The following MCM5 variants were observed in gnomAD, a reference collection of about 807,000 sequenced individuals.
MCM5 encodes DNA replication licensing factor MCM5.
Under a neutral mutation model 79.9 loss-of-function variants are expected in MCM5, and 46 were observed. The observed-to-expected ratio is 0.58, with a 90% CI of 0.45 to 0.74. The LOEUF (loss-of-function observed/expected upper bound fraction) is 0.74. Ranked by LOEUF, MCM5 falls within the 30% of genes least tolerant of loss-of-function variation. The probability of loss-of-function intolerance (pLI) is 0.00; values close to 1 mark genes in which losing one functional copy is unlikely to be tolerated. For synonymous variants in MCM5, 404 were observed against 390.5 expected (o/e 1.03, Z -0.41); for missense variants, 883 against 1,017.0 (o/e 0.87, Z 1.79).
chr22:35,454,314 C>T, the MCM5 span, among the ~76,000 whole-genome samples: 8,335 of 152,134 alleles, frequency 0.055, 606 homozygotes, highest in African/African-American at 0.16. Flanking sequence ...ACCACAGGGG[C>T]GTCCTGGGGA....
At chr22:35,411,641 C>T (rs562403664) in intron 7 of MCM5, 1 of 152,424 alleles carries the variant, frequency 6.6e-6, no homozygotes, top group African/African-American at 2.4e-5. Context: ...TGTTTCAGCC[C>T]TCTGGCTGCA....
rs145487750 is a variant in MCM5 at position 35,419,656 on chromosome 22, T to C, written c.1704-228T>C. On this transcript the variant is annotated intron_variant, in intron 13 of 16. Transcript: ENST00000216122. Reference sequence around the variant, plus strand: ...TGCCTGGCTTTTCTTCACCTGTTTTTTAAGAGAGGCACCCATATTTCTCCC... The same window carrying C: ...TGCCTGGCTTTTCTTCACCTGTTTTCTAAGAGAGGCACCCATATTTCTCCC... 3.9e-3 allele frequency among the ~76,000 whole-genome samples: 590 copies of C among 152,312 alleles called. 7 individuals carry two copies. The highest frequency in any genetic ancestry group is 0.013 in the African/African-American group (549 of 41,552).
rs200669293 is a variant in MCM5 at position 35,416,415 on chromosome 22, C to T, written c.1413+11C>T. ...ATCTCTATCGCCAAGGTGAGTGGCC[C>T]TCCATGGAGAGCCCAGCCTGCAGCA... On this transcript the variant is annotated intron_variant, in intron 11 of 16. Transcript: ENST00000216122. 5.0e-6 allele frequency: 8 copies of T among 1,611,774 alleles called. No individual in the cohort carries two copies. The African/African-American group carries it at 9.5e-5, about 19-fold the overall frequency.
At chr22:35,423,647 C>T (rs765849773) in intron 16 of MCM5, 53 of 238,228 alleles carry the variant, frequency 2.2e-4, no homozygotes, top group Admixed American at 3.9e-4. Flanking sequence ...TCCCCGTTGG[C>T]GGGCGTTTCA....
chr22:35,403,941 C>CAA (rs11453695), intron 4 of MCM5, among the ~76,000 whole-genome samples: 111 of 146,624 alleles, frequency 7.6e-4, no homozygotes, highest in Non-Finnish European at 9.9e-4. Flanking sequence ...AAAAACAAAA[C>CAA]AAAAAAAAAA....
intron 13 of MCM5, among the ~76,000 whole-genome samples, chr22:35,418,670 A>AT (rs1491182938): frequency 0.024 from 3,521 of 147,244 alleles, 104 homozygotes; most frequent in African/African-American, 0.075. Flanking sequence ...AAAAAAAAAA[A>AT]ATATATATAT....
At position 35,416,355 on chromosome 22, in the gene MCM5, G is replaced by T. The variant is rs369168183; in HGVS notation, c.1364G>T (p.Arg455Leu). The T allele has an allele frequency of 5.0e-6, 8 of 1,613,644 alleles. No homozygotes were observed. Among genetic ancestry groups the T allele is most frequent in the Admixed American group, 1.7e-5 (1 of 59,960 alleles). Reference sequence around the variant, plus strand: ...CCCACTTAGATGCGAGAAGATGACCGTGTGGCAATCCACGAAGCCATGGAG... The same window carrying T: ...CCCACTTAGATGCGAGAAGATGACCTTGTGGCAATCCACGAAGCCATGGAG... ...DEFDKMREDD[R>L]VAIHEAMEQQ... Residue 455 changes from arginine to leucine, a missense_variant, in exon 11 of 17, where the codon CGT becomes CTT. Physicochemically the swap from Arg to Leu is moderately radical, Grantham distance 102. Transcript: ENST00000216122.
intron 4 of MCM5, among the ~76,000 whole-genome samples, chr22:35,406,169 C>T (rs1221103794): frequency 1.3e-5 from 2 of 152,182 alleles, no homozygotes; most frequent in Non-Finnish European, 2.9e-5. Context: ...GGGCCCCTGC[C>T]TCCCAGGTTT....
At chr22:35,435,611 C>G in the MCM5 span, among the ~76,000 whole-genome samples, 2 of 152,192 alleles carry the variant, frequency 1.3e-5, no homozygotes, top group Admixed American at 6.5e-5. Context: ...CCTGCTGCAG[C>G]CTTTGTCCTG....
chr22:35,406,869 CA>C, intron 5 of MCM5, 144 bp downstream of exon 5: 1 of 806,436 alleles, frequency 1.2e-6, no homozygotes, highest in East Asian at 2.7e-5. Flanking sequence ...AGGATTGGCA[CA>C]GATCTGATGC....
intron 14 of MCM5, among the ~76,000 whole-genome samples, chr22:35,420,316 C>G (rs1210642878): frequency 6.6e-6 from 1 of 152,210 alleles, no homozygotes; most frequent in Non-Finnish European, 1.5e-5. Context: ...AGTCTTGGGT[C>G]CCAGCCTCTA....
downstream of MCM5, chr22:35,425,516 C>G (rs763920419): frequency 6.6e-6 from 1 of 152,054 alleles, no homozygotes; most frequent in South Asian, 2.1e-4. Context: ...CCATACTGTT[C>G]GGGGAAATGG....
the MCM5 span, among the ~76,000 whole-genome samples, chr22:35,452,742 G>A: frequency 6.6e-6 from 1 of 152,170 alleles, no homozygotes; most frequent in African/African-American, 2.4e-5. Flanking sequence ...CTGGGGTGGT[G>A]GTGCCAGTGT....
At chr22:35,438,823 C>T in the MCM5 span, among the ~76,000 whole-genome samples, 2 of 141,032 alleles carry the variant, frequency 1.4e-5, no homozygotes, top group Non-Finnish European at 3.1e-5. Flanking sequence ...ATCCGTCCAT[C>T]CACATATTCA....
chr22:35,413,892 C>T lies in MCM5; in HGVS notation c.1109C>T (p.Thr370Ile), dbSNP rs776891100. The T allele has an allele frequency of 6.2e-7, 1 of 1,612,444 alleles. No homozygotes were observed. Among genetic ancestry groups the T allele is most frequent in the African/African-American group, 1.3e-5 (1 of 75,018 alleles). ...GSRKRLPDGL[T>I]RRGDINLLML... ...TCCCCCAGGCTCCCTGATGGACTTACTCGCCGAGGAGACATCAACCTGCTG... is the reference window on the plus strand; with the variant it reads ...TCCCCCAGGCTCCCTGATGGACTTATTCGCCGAGGAGACATCAACCTGCTG... Residue 370 changes from threonine to isoleucine, a missense_variant, in exon 9 of 17, where the codon ACT (threonine) becomes ATT (isoleucine). Coordinates refer to ENST00000216122, the MANE Select transcript of MCM5 (RefSeq NM_006739.4).
chr22:35,439,382 T>G, the MCM5 span, among the ~76,000 whole-genome samples: 1 of 134,272 alleles, frequency 7.4e-6, no homozygotes, highest in African/African-American at 2.9e-5. Flanking sequence ...CATCCATCTA[T>G]CCATACATCC....
At position 35,423,642 on chromosome 22, in the gene MCM5, G is replaced by A. The variant is rs528877234; in HGVS notation, c.2103+301G>A. 24 of 242,440 alleles carry A rather than the reference G, an allele frequency of 9.9e-5. No individual in the cohort carries two copies. In the South Asian group the frequency reaches 2.7e-3, roughly 27 times the overall value. The allele number at this position is 242,440 out of a possible 1,614,324, so 15.0% of individuals were successfully genotyped here. A position where few individuals can be genotyped will look rare whatever the true frequency, so the allele number is the denominator to read the frequency against. On this transcript the variant is annotated intron_variant, in intron 16 of 16. Coordinates refer to ENST00000216122, the MANE Select transcript of MCM5 (RefSeq NM_006739.4). The stretch of plus-strand genomic sequence containing the variant: ...GCCCTTCCCGTCTGTGCCTTTCCCC[G>A]TTGGCGGGCGTTTCATGGAGTGGGA...
At chr22:35,448,191 A>G in the MCM5 span, among the ~76,000 whole-genome samples, 1 of 152,182 alleles carries the variant, frequency 6.6e-6, no homozygotes, top group Non-Finnish European at 1.5e-5. Flanking sequence ...CCTCTTCTAG[A>G]AAATAAGAAT....
chr22:35,439,194 C>G, the MCM5 span, among the ~76,000 whole-genome samples: 1 of 149,948 alleles, frequency 6.7e-6, no homozygotes, highest in African/African-American at 2.5e-5. Context: ...CATCCACCCA[C>G]AAATTCATCC....
Sources: gnomAD v4.1 joint callset for allele counts (sites outside exome capture counted in the v4.1 genomes callset) on GRCh38, gnomAD v4.1.1 for gene constraint, MANE v1.5 for transcripts, NCBI Gene and HGNC (gene_info 2026-07-23, HGNC 2026-07-21) for gene names.